Variants in WDFY4 observed in about 807,000 individuals in gnomAD.
WDFY4 encodes the protein WD repeat- and FYVE domain-containing protein 4.
A neutral mutation model predicts 351.9 loss-of-function variants in WDFY4; 169 were observed. The ratio of observed to expected loss-of-function variants is 0.48; its 90% CI spans 0.42 to 0.55. The LOEUF (loss-of-function observed/expected upper bound fraction) is 0.55, where lower values mean the gene tolerates loss of function less well. WDFY4 is among the 20% of genes least tolerant of loss of function. WDFY4 has a pLI of 0.00. For missense variants in WDFY4, 3,803 were observed against 3,935.6 expected, an observed-to-expected ratio of 0.97 and a Z score of 0.90; for synonymous variants, 1,622 against 1,574.6, an observed-to-expected ratio of 1.03 and a Z score of -0.71.
chr10:48,963,889 C>A lies in WDFY4; in HGVS notation c.8271C>A (p.Asp2757Glu). 1 of 1,551,570 alleles carries A rather than the reference C, an allele frequency of 6.4e-7. No homozygotes were observed. ...GTGCCAACCTCCACCATTGGATAGA[C>A]CTTATTTTTGGGTACAAGCAGCAGG... ...FVSANLHHWI[D>E]LIFGYKQQGP... The change falls in exon 54 of 62, where the codon GAC becomes GAA. Residue 2757 changes from aspartate (D) to glutamate (E), a missense_variant. Asp to Glu is a conservative substitution (Grantham distance 45, BLOSUM62 2). Around this residue, in one of 3 missense-constraint regions of WDFY4, gnomAD observed 3,054 missense variants for 3,148.6 expected, o/e 0.97. Coordinates refer to ENST00000325239, the MANE Select transcript of WDFY4 (RefSeq NM_001394531.1).
At chr10:48,907,984 C>T (rs1837708254) in intron 47 of WDFY4, among the ~76,000 whole-genome samples, 3 of 152,208 alleles carry the variant, frequency 2.0e-5, no homozygotes, top group Admixed American at 1.3e-4. Context: ...AGCTTGTTCA[C>T]ACATTTGGCT....
intron 47 of WDFY4, among the ~76,000 whole-genome samples, chr10:48,934,388 G>A (rs1589940775): frequency 1.3e-5 from 2 of 152,276 alleles, no homozygotes; most frequent in Admixed American, 6.5e-5. Flanking sequence ...CTGACATGTC[G>A]ATTTTCATCT....
At chr10:48,777,567 CA>C in intron 17 of WDFY4, 72 bp downstream of exon 17, 1 of 1,379,936 alleles carries the variant, frequency 7.2e-7, no homozygotes, top group Non-Finnish European at 1.0e-6. Flanking sequence ...GCCTTGATTG[CA>C]GATTTTTACT....
intron 18 of WDFY4, among the ~76,000 whole-genome samples, chr10:48,779,407 G>T (rs1357792078): frequency 2.6e-5 from 4 of 152,202 alleles, no homozygotes; most frequent in African/African-American, 9.6e-5. Flanking sequence ...AAGTCCAGTG[G>T]ATTCTGTCCA....
At position 48,720,125 on chromosome 10, in the gene WDFY4, G is replaced by A. The variant is rs752403481; in HGVS notation, c.349G>A (p.Glu117Lys). 5 of 1,551,440 alleles carry A rather than the reference G, an allele frequency of 3.2e-6. No homozygotes were observed. The highest frequency in any genetic ancestry group is 1.4e-5 in the African/African-American group (1 of 73,042). ...LQKALVGKPA[E>K]QARLAAGQLL... ...GAAGGCCCTTGTGGGGAAGCCTGCG[G>A]GTAAGAGCATGGAGGTGCTGGCAGA... Residue 117 changes from glutamate (E) to lysine (K), a missense_variant and splice_region_variant, in exon 3 of 62, where the codon GAG (glutamate) becomes AAG (lysine). Glu to Lys is a moderately conservative substitution (Grantham distance 56). Coordinates refer to ENST00000325239, the MANE Select transcript of WDFY4 (RefSeq NM_001394531.1).
intron 39 of WDFY4, among the ~76,000 whole-genome samples, chr10:48,865,854 AT>A (rs1005036273): frequency 7.9e-5 from 12 of 152,162 alleles, no homozygotes; most frequent in Admixed American, 7.9e-4. Flanking sequence ...AAGCTATTTA[AT>A]TTATTGGCAT....
At chr10:48,810,806 G>A in intron 29 of WDFY4, 71 bp downstream of exon 29, 1 of 1,409,722 alleles carries the variant, frequency 7.1e-7, no homozygotes, top group Non-Finnish European at 9.4e-7. Flanking sequence ...ACCAAGCCAG[G>A]CCCCTTCTTA....
In WDFY4 at chr10:48,873,576, A is replaced by G. The variant is rs2069869255; in HGVS notation, c.6827A>G (p.Gln2276Arg). The change falls in exon 41 of 62, where the codon CAG (glutamine) becomes CGG (arginine). Residue 2276 changes from glutamine (Q) to arginine (R), a missense_variant. Gln to Arg is a conservative substitution (Grantham distance 43). This residue lies in a region of WDFY4 where 3,054 missense variants were observed against 3,148.6 expected (regional missense o/e 0.97). Transcript: ENST00000325239. ...TTTGGGGAGCTGGGCTTGTGGAGCC[A>G]GGGGGAAGAAACCAAGCCCTGTTCC... The part of the protein sequence containing the change: ...QLFGELGLWS[Q>R]GEETKPCSPW... The G allele has an allele frequency of 6.4e-7, 1 of 1,551,646 alleles. No homozygotes were observed. Among genetic ancestry groups the G allele is most frequent in the Non-Finnish European group, 8.7e-7 (1 of 1,147,010 alleles).
chr10:48,946,101 C>G lies in WDFY4; in HGVS notation c.7811C>G (p.Thr2604Ser). 1 of 1,548,488 alleles carries G rather than the reference C, an allele frequency of 6.5e-7. No individual in the cohort carries two copies. The highest frequency in any genetic ancestry group is 8.7e-7 in the Non-Finnish European group (1 of 1,146,096). Residue 2604 changes from threonine (T) to serine (S), a missense_variant, in exon 50 of 62, where the codon ACC (threonine) becomes AGC (serine). Physicochemically the swap from Thr to Ser is moderately conservative, Grantham distance 58. This residue lies in a region of WDFY4 where 3,054 missense variants were observed against 3,148.6 expected (regional missense o/e 0.97). Transcript: ENST00000325239. ...CTTTCAAAGCCCATGGGGGCTCAGA[C>G]CAAGGAAAGGAAGCTGAAATTTATC... ...RDLSKPMGAQ[T>S]KERKLKFIQR... is the part of the protein sequence containing the mutation.
intron 43 of WDFY4, among the ~76,000 whole-genome samples, chr10:48,887,960 T>C (rs1195067603): frequency 6.6e-6 from 1 of 152,192 alleles, no homozygotes; most frequent in East Asian, 1.9e-4. Context: ...TCTGCAACTA[T>C]TAATAAGAAT....
At chr10:48,857,453 T>G (rs1040749659) in intron 39 of WDFY4, among the ~76,000 whole-genome samples, 19 of 152,096 alleles carry the variant, frequency 1.2e-4, no homozygotes, top group African/African-American at 4.6e-4. Context: ...TACTATTGCT[T>G]TTTGGGGCCT....
intron 39 of WDFY4, among the ~76,000 whole-genome samples, chr10:48,865,846 G>A (rs551908355): frequency 5.3e-5 from 8 of 152,170 alleles, no homozygotes; most frequent in Admixed American, 2.0e-4. Flanking sequence ...TCTAATCTAA[G>A]CTATTTAATT....
intron 44 of WDFY4, among the ~76,000 whole-genome samples, chr10:48,894,362 C>T (rs926417571): frequency 9.9e-5 from 15 of 152,266 alleles, no homozygotes; most frequent in African/African-American, 3.6e-4. Context: ...AGCATTTCTG[C>T]CTCCAGGGAG....
rs1036273951 is a variant in WDFY4 at position 48,708,933 on chromosome 10, A to ATT, written c.-17-781_-17-780dup. On this transcript the variant is annotated intron_variant, in intron 1 of 61. Coordinates refer to ENST00000325239, the MANE Select transcript of WDFY4 (RefSeq NM_001394531.1). ...GTGCCTCTACAAATACCAGTGAACT[A>ATT]TTTACATCTCTTTTATGTATGCAGC... 5.9e-5 allele frequency among the ~76,000 whole-genome samples: 9 copies of ATT among 152,186 alleles called. No homozygotes were observed. In the East Asian group the frequency reaches 1.5e-3, roughly 26 times the overall value.
chr10:48,952,393 G>A (rs993682247), intron 51 of WDFY4, among the ~76,000 whole-genome samples: 1 of 152,174 alleles, frequency 6.6e-6, no homozygotes, highest in Non-Finnish European at 1.5e-5. Context: ...ATCTGTAAGG[G>A]CCCAAAGTGT....
chr10:48,882,669 G>T (rs968595714), intron 43 of WDFY4, among the ~76,000 whole-genome samples: 3 of 152,168 alleles, frequency 2.0e-5, no homozygotes, highest in Admixed American at 2.0e-4. Flanking sequence ...ATCACATAGT[G>T]AGAGAGGCAG....
chr10:48,840,360 G>A (rs1174509706), intron 39 of WDFY4, among the ~76,000 whole-genome samples: 1 of 151,386 alleles, frequency 6.6e-6, no homozygotes, highest in Non-Finnish European at 1.5e-5. Flanking sequence ...AGGTTTTCTG[G>A]ACACTCAACC....
chr10:48,817,803 A>G (rs1446364970), intron 32 of WDFY4, among the ~76,000 whole-genome samples: 1 of 152,160 alleles, frequency 6.6e-6, no homozygotes, highest in East Asian at 1.9e-4. Flanking sequence ...GCTCTTGGGA[A>G]CCCTCATCCA....
At chr10:48,798,463 G>C (rs940577042) in intron 24 of WDFY4, among the ~76,000 whole-genome samples, 1 of 152,146 alleles carries the variant, frequency 6.6e-6, no homozygotes, top group Non-Finnish European at 1.5e-5. Context: ...TACCACAGAA[G>C]AATGAGCAAT....
Sources: gnomAD v4.1 joint callset for allele counts (sites outside exome capture counted in the v4.1 genomes callset) on GRCh38, gnomAD v4.1.1 for gene constraint, gnomAD v4.1.1 regional missense constraint, MANE v1.5 for transcripts, NCBI Gene and HGNC (gene_info 2026-07-23, HGNC 2026-07-21) for gene names.